CA10: variants seen among roughly 807,000 people sequenced by gnomAD.
CA10 encodes carbonic anhydrase-related protein 10.
A neutral mutation model predicts 44.2 loss-of-function variants in CA10; 14 were observed. The ratio of observed to expected loss-of-function variants is 0.32; its 90% CI spans 0.21 to 0.50. The LOEUF (loss-of-function observed/expected upper bound fraction) is 0.50, where lower values mean the gene tolerates loss of function less well. CA10 is among the 20% of genes least tolerant of loss of function. The probability of loss-of-function intolerance (pLI) is 0.99; values close to 1 mark genes in which losing one functional copy is unlikely to be tolerated. For missense variants in CA10, 350 were observed against 409.7 expected (o/e 0.85, Z 1.26); for synonymous variants, 159 against 141.6 (o/e 1.12, Z -0.87).
At chr17:52,069,406 G>C (rs1987621074) in intron 2 of CA10, among the ~76,000 whole-genome samples, 3 of 152,138 alleles carry the variant, frequency 2.0e-5, no homozygotes, top group Admixed American at 2.0e-4. Context: ...AGCATAGTCA[G>C]GGCTCTGCCT....
chr17:52,142,553 A>C (rs950255424), intron 1 of CA10, among the ~76,000 whole-genome samples: 1 of 152,160 alleles, frequency 6.6e-6, no homozygotes, highest in Non-Finnish European at 1.5e-5. Context: ...GATGTTTTAC[A>C]ACAGAAATGA....
intron 3 of CA10, among the ~76,000 whole-genome samples, chr17:51,854,509 TC>T (rs886744159): frequency 5.9e-5 from 9 of 152,186 alleles, no homozygotes; most frequent in African/African-American, 2.2e-4. Flanking sequence ...TGTGGGTAGC[TC>T]CCCTTTAGTC....
intron 3 of CA10, among the ~76,000 whole-genome samples, chr17:51,846,791 T>C (rs1978514553): frequency 6.6e-6 from 1 of 152,234 alleles, no homozygotes; most frequent in African/African-American, 2.4e-5. Context: ...CTGATTTGTG[T>C]CTGTGCTGGG....
At chr17:51,726,360 A>G (rs1471887058) in intron 4 of CA10, among the ~76,000 whole-genome samples, 1 of 152,222 alleles carries the variant, frequency 6.6e-6, no homozygotes, top group Non-Finnish European at 1.5e-5. Context: ...CAAGAGATCT[A>G]TTGTATAACA....
intron 1 of CA10, among the ~76,000 whole-genome samples, chr17:52,075,629 ATC>A (rs887130395): frequency 2.0e-5 from 3 of 152,184 alleles, no homozygotes; most frequent in African/African-American, 7.2e-5. Context: ...AGAGCATAGC[ATC>A]TCTGTCCCCC....
At chr17:51,824,572 A>C (rs1221625385) in intron 3 of CA10, among the ~76,000 whole-genome samples, 1 of 152,242 alleles carries the variant, frequency 6.6e-6, no homozygotes, top group African/African-American at 2.4e-5. Context: ...AGGCAAGATC[A>C]GTCTTATTGA....
chr17:52,112,395 C>T (rs1988805121), intron 1 of CA10, among the ~76,000 whole-genome samples: 2 of 152,270 alleles, frequency 1.3e-5, no homozygotes, highest in African/African-American at 4.8e-5. Flanking sequence ...CACAGCCATG[C>T]CCATTCATTT....
At chr17:51,644,718 G>C (rs979394818) in intron 6 of CA10, among the ~76,000 whole-genome samples, 1 of 150,810 alleles carries the variant, frequency 6.6e-6, no homozygotes, top group African/African-American at 2.4e-5. Context: ...CAGGCTAAAA[G>C]TCTTACAGTC....
At position 51,855,625 on chromosome 17, in the gene CA10, T is replaced by A. The variant is rs1056521783; in HGVS notation, c.279+75365A>T. On this transcript the variant is annotated intron_variant, in intron 3 of 8. Transcript: ENST00000451037. Reference sequence around the variant, plus strand: ...AAGAAAATGAAAAGCTACACACAGATGTTCATCCAGGCCAGCTTTCTGCTG... The same window carrying A: ...AAGAAAATGAAAAGCTACACACAGAAGTTCATCCAGGCCAGCTTTCTGCTG... 2.0e-5 allele frequency among the ~76,000 whole-genome samples: 3 copies of A among 152,322 alleles called. No individual in the cohort carries two copies. In the South Asian group the frequency reaches 6.2e-4, roughly 32 times the overall value.
chr17:51,704,990 A>C (rs1371634254), intron 4 of CA10, among the ~76,000 whole-genome samples: 4 of 152,018 alleles, frequency 2.6e-5, no homozygotes, highest in Non-Finnish European at 4.4e-5. Flanking sequence ...GAAAAAGAAA[A>C]AAGAAAAGAA....
chr17:52,044,046 T>C (rs2144196349), intron 2 of CA10, among the ~76,000 whole-genome samples: 2 of 152,256 alleles, frequency 1.3e-5, no homozygotes, highest in East Asian at 2.0e-4. Flanking sequence ...TTGGCTTTGA[T>C]ATGAAAATCA....
intron 4 of CA10, among the ~76,000 whole-genome samples, chr17:51,669,416 A>G (rs1914329699): frequency 6.6e-6 from 1 of 152,124 alleles, no homozygotes; most frequent in East Asian, 1.9e-4. Context: ...AATCAGCAGG[A>G]TGTGGGTGGG....
chr17:51,688,448 G>A (rs1023422723), intron 4 of CA10, among the ~76,000 whole-genome samples: 6 of 152,150 alleles, frequency 3.9e-5, no homozygotes, highest in African/African-American at 1.2e-4. Context: ...CGGTTTGCAC[G>A]ACTGGCTAGT....
chr17:52,098,836 C>T (rs539394211), intron 1 of CA10, among the ~76,000 whole-genome samples: 1 of 152,246 alleles, frequency 6.6e-6, no homozygotes, highest in East Asian at 1.9e-4. Flanking sequence ...CTCCAGGGAG[C>T]TAAGGCTCTA....
At chr17:52,002,747 T>G (rs1985467642) in intron 2 of CA10, among the ~76,000 whole-genome samples, 1 of 151,936 alleles carries the variant, frequency 6.6e-6, no homozygotes, top group Non-Finnish European at 1.5e-5. Flanking sequence ...CTGATGGACA[T>G]TCAGGGACTC....
chr17:51,675,456 G>C (rs919912389), intron 4 of CA10, among the ~76,000 whole-genome samples: 2 of 151,812 alleles, frequency 1.3e-5, no homozygotes, highest in African/African-American at 2.4e-5. Context: ...GCTACTCAGG[G>C]GAGAATGGCT....
chr17:51,839,766 T>C (rs1978304306), intron 3 of CA10, among the ~76,000 whole-genome samples: 1 of 151,972 alleles, frequency 6.6e-6, no homozygotes, highest in South Asian at 2.1e-4. Flanking sequence ...AAATATAAAA[T>C]TAGAAAACTT....
At chr17:51,851,797 A>T (rs1054730007) in intron 3 of CA10, among the ~76,000 whole-genome samples, 1 of 152,216 alleles carries the variant, frequency 6.6e-6, no homozygotes. Context: ...ATGTTTCCTC[A>T]TGAATTACTT....
At chr17:51,938,036 C>G (rs189174178) in intron 2 of CA10, among the ~76,000 whole-genome samples, 1 of 152,256 alleles carries the variant, frequency 6.6e-6, no homozygotes, top group East Asian at 1.9e-4. Flanking sequence ...CTTCTCACTT[C>G]TCCAATATTT....
Sources: allele counts gnomAD v4.1 joint callset (sites outside exome capture counted in the v4.1 genomes callset), GRCh38; gene constraint gnomAD v4.1.1; transcripts MANE v1.5; gene names NCBI Gene and HGNC (gene_info 2026-07-23, HGNC 2026-07-21).